Variants in USP4 observed in about 807,000 individuals in gnomAD.
The protein encoded by USP4 is ubiquitin specific peptidase 4.
In USP4, 72 loss-of-function variants were observed where a neutral mutation model predicts 118.2. The ratio of observed to expected loss-of-function variants is 0.61; its 90% CI spans 0.50 to 0.74. The LOEUF (loss-of-function observed/expected upper bound fraction) is 0.74, where lower values mean the gene tolerates loss of function less well. Among genes scored for constraint, USP4 ranks in the 30% least tolerant of loss-of-function variants. USP4 has a pLI of 0.00. For synonymous variants in USP4, 415 were observed against 440.4 expected (o/e 0.94, Z 0.72); for missense variants, 1,037 against 1,185.7 (o/e 0.87, Z 1.84).
intron 14 of USP4, among the ~76,000 whole-genome samples, chr3:49,293,247 T>C (rs2047168903): frequency 6.6e-6 from 1 of 151,764 alleles, no homozygotes; most frequent in Non-Finnish European, 1.5e-5. Flanking sequence ...GCACGGTGGC[T>C]CATGCCTGTA....
intron 1 of USP4, among the ~76,000 whole-genome samples, chr3:49,337,198 C>T (rs56889657): frequency 6.6e-6 from 1 of 151,848 alleles, no homozygotes; most frequent in Non-Finnish European, 1.5e-5. Context: ...GAATCACTTG[C>T]ACCCGGAAGA....
chr3:49,277,617 A>C lies in USP4; in HGVS notation c.*676T>G, dbSNP rs952630904. The stretch of plus-strand genomic sequence containing the variant: ...AATAAAAAGTGTGTTATCTAATAAA[A>C]GTTCCACACAGTATTTAACCGTCTT... On this transcript the variant is annotated 3_prime_UTR_variant, in exon 22 of 22. Transcript: ENST00000265560. The C allele has an allele frequency of 6.2e-6, 1 of 162,512 alleles. No individual in the cohort carries two copies. Among genetic ancestry groups the C allele is most frequent in the African/African-American group, 2.4e-5 (1 of 41,538 alleles). The allele number at this position is 162,512 out of a possible 1,614,324, so 10.1% of individuals were successfully genotyped here.
chr3:49,318,367 G>A, intron 6 of USP4: 1 of 985,524 alleles, frequency 1.0e-6, no homozygotes, highest in Non-Finnish European at 1.2e-6. Flanking sequence ...GGCAAAGGTG[G>A]CTTTCTTAAC....
chr3:49,284,510 G>A lies in USP4; in HGVS notation c.2346C>T (p.Ile782=), dbSNP rs756403996. 18 of 1,614,038 alleles carry A rather than the reference G, an allele frequency of 1.1e-5. No individual in the cohort carries two copies. The highest frequency in any genetic ancestry group is 1.1e-4 in the East Asian group (5 of 44,902). The change falls in exon 18 of 22, where the codon ATC becomes ATT. Residue 782 remains isoleucine, a synonymous_variant. Coordinates refer to ENST00000265560, the MANE Select transcript of USP4 (RefSeq NM_003363.4). ...KKTTVALRDC[I]ELFTTMETLG... ...GGGTCTCCATGGTGGTGAAGAGCTC[G>A]ATGCAGTCTCTCAGGGCCACTGTGG...
At chr3:49,305,069 T>C (rs1467074679) in intron 9 of USP4, among the ~76,000 whole-genome samples, 3 of 143,382 alleles carry the variant, frequency 2.1e-5, no homozygotes, top group Non-Finnish European at 3.1e-5. Context: ...GACTTTTTTG[T>C]TGTTGTTGTT....
At chr3:49,316,485 A>AC (rs1373026065) in intron 6 of USP4, among the ~76,000 whole-genome samples, 1 of 151,578 alleles carries the variant, frequency 6.6e-6, no homozygotes, top group Non-Finnish European at 1.5e-5. Context: ...ATGCCTGGCT[A>AC]TTTTTTTATT....
intron 6 of USP4, among the ~76,000 whole-genome samples, chr3:49,322,003 C>CA (rs910596876): frequency 2.6e-4 from 39 of 151,854 alleles, no homozygotes; most frequent in African/African-American, 8.5e-4. Flanking sequence ...ATTAAAAAAA[C>CA]AAAAAAACAA....
intron 1 of USP4, 122 bp from the exon 2 acceptor site, chr3:49,335,718 C>T (rs1575624918): frequency 8.7e-7 from 1 of 1,149,412 alleles, no homozygotes; most frequent in East Asian, 2.4e-5. Context: ...CTAAAAAACA[C>T]TGTCACAAGA....
chr3:49,298,686 A>C, intron 11 of USP4, 51 bp from the exon 12 acceptor site: 1 of 1,531,974 alleles, frequency 6.5e-7, no homozygotes, highest in Non-Finnish European at 9.0e-7. Context: ...AAAGGGTGCG[A>C]AATGCATTAG....
At chr3:49,325,497 C>G (rs1222404906) in intron 4 of USP4, among the ~76,000 whole-genome samples, 3 of 152,026 alleles carry the variant, frequency 2.0e-5, no homozygotes, top group Admixed American at 1.3e-4. Context: ...ATTTCCTTAT[C>G]TTCATTATCA....
intron 7 of USP4, among the ~76,000 whole-genome samples, 184 bp from the exon 8 acceptor site, chr3:49,310,921 T>C (rs2047375847): frequency 6.6e-6 from 1 of 152,158 alleles, no homozygotes; most frequent in African/African-American, 2.4e-5. Flanking sequence ...CACTAGCAGC[T>C]GGTAAGCACA....
At chr3:49,335,044 A>G (rs1394840237) in intron 2 of USP4, among the ~76,000 whole-genome samples, 1 of 152,204 alleles carries the variant, frequency 6.6e-6, no homozygotes, top group East Asian at 1.9e-4. Context: ...CACACTAGTT[A>G]TATGATAAAA....
At position 49,302,489 on chromosome 3, in the gene USP4, A is replaced by C; in HGVS notation, c.1182T>G (p.Ser394=). 1 of 1,614,204 alleles carries C rather than the reference A, an allele frequency of 6.2e-7. No individual in the cohort carries two copies. Among genetic ancestry groups the C allele is most frequent in the Non-Finnish European group, 8.5e-7 (1 of 1,180,030 alleles). ...CTAGAAGAAAGGCCAGCAGCTCCTG[A>C]GAATCTTGTTGCTGGTAGCCAGAAA... ...PQFSGYQQQD[S]QELLAFLLDG... Residue 394 remains serine (S), a synonymous_variant, in exon 10 of 22, where the codon TCT becomes TCG. Transcript: ENST00000265560.
rs376720715 is a variant in USP4 at position 49,319,778 on chromosome 3, T to G, written c.695+4924A>C. 4.6e-5 allele frequency among the ~76,000 whole-genome samples: 7 copies of G among 152,084 alleles called. No homozygotes were observed. The East Asian group carries it at 9.7e-4, about 21-fold the overall frequency. On this transcript the variant is annotated intron_variant, in intron 6 of 21. Coordinates refer to ENST00000265560, the MANE Select transcript of USP4 (RefSeq NM_003363.4). ...ACAGGTGCACGCCACCACTCCTGGC[T>G]AATTTTCTGTACTTTTAGTAGATAG...
At position 49,297,893 on chromosome 3, in the gene USP4, G is replaced by A. The variant is rs1250115006; in HGVS notation, c.1668C>T (p.Ile556=). ...IFQMDEGLNH[I]MPRDDIFVYE... ...ACACGAAAATGTCATCCCGAGGCAT[G>A]ATGTGGTTTAAACCTTCATCCATTT... The change falls in exon 13 of 22, where the codon ATC becomes ATT. Residue 556 remains isoleucine (I), a synonymous_variant. Coordinates refer to ENST00000265560, the MANE Select transcript of USP4 (RefSeq NM_003363.4). 3.7e-6 allele frequency: 6 copies of A among 1,613,968 alleles called. 1 individual carries two copies. Among genetic ancestry groups the A allele is most frequent in the Admixed American group, 3.3e-5 (2 of 59,980 alleles).
At chr3:49,306,376 TA>T (rs1425825912) in intron 8 of USP4, among the ~76,000 whole-genome samples, 1 of 151,804 alleles carries the variant, frequency 6.6e-6, no homozygotes, top group Non-Finnish European at 1.5e-5. Flanking sequence ...CTAATTTTTG[TA>T]TTTTCAGTAG....
chr3:49,318,033 A>G (rs1295910076), intron 6 of USP4, among the ~76,000 whole-genome samples: 1 of 147,186 alleles, frequency 6.8e-6, no homozygotes, highest in Non-Finnish European at 1.5e-5. Context: ...ACAGGGTTTC[A>G]CCATGTTGGC....
At chr3:49,314,696 T>C (rs905737609) in intron 6 of USP4, among the ~76,000 whole-genome samples, 2 of 152,160 alleles carry the variant, frequency 1.3e-5, no homozygotes, top group Admixed American at 6.6e-5. Flanking sequence ...TCAGTAACTA[T>C]TCATTGATAA....
chr3:49,310,532 G>A (rs1033510309), intron 8 of USP4, 88 bp downstream of exon 8: 9 of 1,134,190 alleles, frequency 7.9e-6, no homozygotes, highest in Non-Finnish European at 9.4e-6. Flanking sequence ...AGGGACTCCT[G>A]GGAGAGGATC....
Sources: allele counts gnomAD v4.1 joint callset (sites outside exome capture counted in the v4.1 genomes callset), GRCh38; gene constraint gnomAD v4.1.1; transcripts MANE v1.5; gene names NCBI Gene and HGNC (gene_info 2026-07-23, HGNC 2026-07-21).